Variants in SEMA6D observed in about 807,000 individuals in gnomAD.
The protein encoded by SEMA6D is semaphorin 6D.
In SEMA6D, 35 loss-of-function variants were observed where a neutral mutation model predicts 106.6. The ratio of observed to expected loss-of-function variants is 0.33; its 90% CI spans 0.25 to 0.44. SEMA6D has a LOEUF of 0.44. Ranked by LOEUF, SEMA6D falls within the 20% of genes least tolerant of loss-of-function variation. The pLI is 1.00. For synonymous variants in SEMA6D, 499 were observed against 487.7 expected (o/e 1.02, Z -0.31); for missense variants, 1,185 against 1,345.9 (o/e 0.88, Z 1.87).
chr15:47,648,638 A>T (rs935311879), intron 4 of SEMA6D, among the ~76,000 whole-genome samples: 1 of 152,196 alleles, frequency 6.6e-6, no homozygotes, highest in Non-Finnish European at 1.5e-5. Context: ...TTATTCCTTG[A>T]TGCAACCCAG....
chr15:47,742,599 C>T (rs189180901), intron 1 of SEMA6D, among the ~76,000 whole-genome samples: 4 of 152,316 alleles, frequency 2.6e-5, no homozygotes, highest in East Asian at 3.9e-4. Context: ...TTTGTACTAA[C>T]GGCTGCTTCT....
rs187851403 is a variant in SEMA6D, at chr15:47,759,988, A to G, written c.109+81A>G. 57 of 1,044,360 alleles carry G rather than the reference A, an allele frequency of 5.5e-5. No individual in the cohort carries two copies. The African/African-American group carries it at 7.8e-4, about 14-fold the overall frequency. 64.7% of individuals were successfully genotyped at this position (1,044,360 alleles called of 1,614,324 possible). A position where few individuals can be genotyped will look rare whatever the true frequency, so the allele number is the denominator to read the frequency against. On this transcript the variant is annotated intron_variant, in intron 2 of 18. Transcript: ENST00000536845. ...ATTCTGTAAGCATGTTCATTTTCAG[A>G]AAGAGGCAGAGATTTTTTATGTCTT...
intron 1 of SEMA6D, among the ~76,000 whole-genome samples, chr15:47,217,866 T>TAC (rs1330992010): frequency 6.7e-5 from 4 of 59,294 alleles, no homozygotes; most frequent in African/African-American, 2.0e-4. Flanking sequence ...TGCTTGCATG[T>TAC]ACACACATAC....
chr15:47,375,389 C>T (rs1345577983), intron 1 of SEMA6D, among the ~76,000 whole-genome samples: 1 of 152,160 alleles, frequency 6.6e-6, no homozygotes, highest in East Asian at 1.9e-4. Context: ...TTTTACTCTC[C>T]CATTCCACCT....
At chr15:47,721,224 T>C (rs2079404370) in intron 1 of SEMA6D, among the ~76,000 whole-genome samples, 1 of 152,202 alleles carries the variant, frequency 6.6e-6, no homozygotes, top group Non-Finnish European at 1.5e-5. Context: ...TCTTTAGAAG[T>C]GTATTATTTT....
At chr15:47,265,267 G>GT (rs1056223360) in intron 1 of SEMA6D, among the ~76,000 whole-genome samples, 11 of 151,530 alleles carry the variant, frequency 7.3e-5, no homozygotes, top group South Asian at 2.1e-4. Flanking sequence ...TTTCTGGGTG[G>GT]TTTTTTTATT....
At chr15:47,651,039 G>C in intron 4 of SEMA6D, among the ~76,000 whole-genome samples, 1 of 152,146 alleles carries the variant, frequency 6.6e-6, no homozygotes, top group African/African-American at 2.4e-5. Context: ...TTTTCAGACA[G>C]AGCTTTACCT....
At chr15:47,300,920 G>A (rs1188710742) in intron 1 of SEMA6D, among the ~76,000 whole-genome samples, 1 of 152,122 alleles carries the variant, frequency 6.6e-6, no homozygotes, top group East Asian at 1.9e-4. Flanking sequence ...CACCTGCAGA[G>A]GACTACTGCA....
At chr15:47,667,984 A>G (rs1298067532) in intron 4 of SEMA6D, among the ~76,000 whole-genome samples, 1 of 152,222 alleles carries the variant, frequency 6.6e-6, no homozygotes, top group Non-Finnish European at 1.5e-5. Flanking sequence ...TTCTCTGTTC[A>G]TTCTCTGAAT....
chr15:47,653,005 G>A (rs2077722340), intron 4 of SEMA6D, among the ~76,000 whole-genome samples: 1 of 152,168 alleles, frequency 6.6e-6, no homozygotes, highest in African/African-American at 2.4e-5. Flanking sequence ...AGCTTATGGT[G>A]CCAAGAACTT....
Position 47,762,266 on chromosome 15 carries a change from T to A in SEMA6D, c.605T>A (p.Met202Lys), listed in dbSNP as rs1447046371. The A allele has an allele frequency of 1.2e-6, 2 of 1,613,574 alleles. No individual in the cohort carries two copies. The highest frequency in any genetic ancestry group is 2.2e-5 in the East Asian group (1 of 44,870). The change falls in exon 8 of 19, where the codon ATG becomes AAG. Residue 202 changes from methionine (M) to lysine (K), a missense_variant. By Grantham distance (95) the Met-to-Lys change is moderately conservative. Coordinates refer to ENST00000536845, the MANE Select transcript of SEMA6D (RefSeq NM_001358351.3). ...AGCGATGCCGTTATTTATCGAAGCA[T>A]GGGTGATGGATCTGCCCTTCGCACA... is the stretch of plus-strand genomic sequence containing the variant. ...LASDAVIYRS[M>K]GDGSALRTIK... is the part of the protein sequence containing the mutation.
chr15:47,768,068 G>A (rs2082436701), intron 17 of SEMA6D, among the ~76,000 whole-genome samples: 1 of 152,080 alleles, frequency 6.6e-6, no homozygotes. Context: ...AGGAGCCCCT[G>A]GTAACAACCT....
intron 2 of SEMA6D, 69 bp from the exon 3 acceptor site, chr15:47,760,235 A>T: frequency 9.3e-7 from 1 of 1,076,508 alleles, no homozygotes. Flanking sequence ...TATACAGCTA[A>T]TCAATGCTGT....
intron 15 of SEMA6D, 64 bp downstream of exon 15, chr15:47,766,246 A>G (rs573474932): frequency 1.1e-5 from 15 of 1,414,216 alleles, no homozygotes; most frequent in Admixed American, 2.1e-5. Flanking sequence ...AAAGCTAGAA[A>G]TTGCAGAAAA....
intron 1 of SEMA6D, among the ~76,000 whole-genome samples, chr15:47,222,784 T>G (rs1214790151): frequency 1.3e-5 from 2 of 152,186 alleles, no homozygotes; most frequent in African/African-American, 4.8e-5. Context: ...AGATGCCCAG[T>G]CTCTTCCATT....
At chr15:47,326,634 T>C (rs1433267501) in intron 1 of SEMA6D, among the ~76,000 whole-genome samples, 1 of 152,224 alleles carries the variant, frequency 6.6e-6, no homozygotes, top group Non-Finnish European at 1.5e-5. Context: ...TGGGGAATTT[T>C]GAAAGTGCCA....
intron 3 of SEMA6D, among the ~76,000 whole-genome samples, chr15:47,488,193 T>A (rs949296119): frequency 1.3e-5 from 2 of 152,214 alleles, no homozygotes; most frequent in Admixed American, 1.3e-4. Context: ...TCTTTGCACA[T>A]GGTTGAAAGG....
At chr15:47,449,634 C>T (rs1418241015) in intron 2 of SEMA6D, among the ~76,000 whole-genome samples, 1 of 152,030 alleles carries the variant, frequency 6.6e-6, no homozygotes, top group Non-Finnish European at 1.5e-5. Context: ...CACCACAGAC[C>T]TTGTCTTTAT....
At chr15:47,732,885 G>A (rs990935381) in intron 1 of SEMA6D, among the ~76,000 whole-genome samples, 7 of 152,068 alleles carry the variant, frequency 4.6e-5, no homozygotes, top group Non-Finnish European at 5.9e-5. Context: ...TTCCATATTT[G>A]TTTCCTGTAG....
Sources: allele counts gnomAD v4.1 joint callset (sites outside exome capture counted in the v4.1 genomes callset), GRCh38; gene constraint gnomAD v4.1.1; transcripts MANE v1.5; gene names NCBI Gene and HGNC (gene_info 2026-07-23, HGNC 2026-07-21).